Variants in UPF2 observed in about 807,000 individuals in gnomAD.
UPF2 encodes regulator of nonsense transcripts 2.
In UPF2, 17 loss-of-function variants were observed where a neutral mutation model predicts 141.4. The ratio of observed to expected loss-of-function variants is 0.12; its 90% CI spans 0.08 to 0.18. The LOEUF is 0.18. Among genes scored for constraint, UPF2 ranks in the 10% least tolerant of loss-of-function variants. UPF2 has a pLI of 1.00. For missense variants in UPF2, 1,152 were observed against 1,515.9 expected, an observed-to-expected ratio of 0.76 and a Z score of 3.99; for synonymous variants, 540 against 498.0, an observed-to-expected ratio of 1.08 and a Z score of -1.12.
At chr10:12,036,107 C>T (rs77288594) in intron 1 of UPF2, among the ~76,000 whole-genome samples, 465 of 152,222 alleles carry the variant, frequency 3.1e-3, no homozygotes, top group African/African-American at 0.01. Flanking sequence ...ACCTAAAATC[C>T]GTATGTTCTG....
chr10:11,951,115 T>C (rs1367346882), intron 15 of UPF2, among the ~76,000 whole-genome samples: 1 of 152,174 alleles, frequency 6.6e-6, no homozygotes, highest in East Asian at 1.9e-4. Context: ...CAGGCTGTAG[T>C]GCAATGGCGT....
At chr10:12,038,260 G>A (rs1000556043) in intron 1 of UPF2, among the ~76,000 whole-genome samples, 1 of 151,886 alleles carries the variant, frequency 6.6e-6, no homozygotes, top group Admixed American at 6.6e-5. Flanking sequence ...GCAGGCGCCT[G>A]TAATCCCAGC....
chr10:12,039,513 T>C (rs1466892346), intron 1 of UPF2, among the ~76,000 whole-genome samples: 1 of 152,216 alleles, frequency 6.6e-6, no homozygotes, highest in Non-Finnish European at 1.5e-5. Flanking sequence ...GAAAAAAGTT[T>C]ATATAGATTT....
chr10:11,942,952 TA>T, intron 17 of UPF2, 111 bp downstream of exon 17: 1 of 919,296 alleles, frequency 1.1e-6, no homozygotes, highest in Non-Finnish European at 1.6e-6. Flanking sequence ...AATGAATTTC[TA>T]AAGAAATATT....
rs1190001249 is a variant in UPF2, at chr10:11,959,425, C to T, written c.2185-69G>A. The T allele has an allele frequency of 4.1e-6, 6 of 1,454,572 alleles. No individual in the cohort carries two copies. Among genetic ancestry groups the T allele is most frequent in the South Asian group, 2.9e-5 (2 of 68,096 alleles). The allele number at this position is 1,454,572 out of a possible 1,614,324, so 90.1% of individuals were successfully genotyped here. On this transcript the variant is annotated intron_variant, in intron 11 of 21. Coordinates refer to ENST00000357604, the MANE Select transcript of UPF2 (RefSeq NM_015542.4). This position sits in a 1 kb window ranked among gnomAD's most constrained non-coding sequence, Gnocchi z 5.9. ...GATTCCTTTACTCCTAACTAAACTTCTATTCTCAGTGATTTGCTATTTCAA... is the reference window on the plus strand; with the variant it reads ...GATTCCTTTACTCCTAACTAAACTTTTATTCTCAGTGATTTGCTATTTCAA...
intron 21 of UPF2, among the ~76,000 whole-genome samples, chr10:11,926,855 G>C (rs1832719273): frequency 1.3e-5 from 2 of 152,202 alleles, no homozygotes. Context: ...AGGGAGGAAG[G>C]GAAAATAGAA....
chr10:11,943,524 C>T (rs544056219), intron 16 of UPF2, among the ~76,000 whole-genome samples: 1 of 152,288 alleles, frequency 6.6e-6, no homozygotes, highest in Admixed American at 6.5e-5. Context: ...ACCCATCTAA[C>T]TGCAATGGAA....
chr10:12,037,008 A>C (rs1354751357), intron 1 of UPF2, among the ~76,000 whole-genome samples: 1 of 152,142 alleles, frequency 6.6e-6, no homozygotes, highest in Non-Finnish European at 1.5e-5. Context: ...CTGGGCAACA[A>C]GGACAAAACT....
chr10:11,981,120 G>T (rs1316245548), intron 8 of UPF2, among the ~76,000 whole-genome samples: 1 of 152,010 alleles, frequency 6.6e-6, no homozygotes, highest in Non-Finnish European at 1.5e-5. Flanking sequence ...CCAAGTCCAT[G>T]CCACCGCACT....
intron 8 of UPF2, among the ~76,000 whole-genome samples, chr10:11,993,981 C>T (rs1345183623): frequency 6.6e-6 from 1 of 151,784 alleles, no homozygotes; most frequent in Non-Finnish European, 1.5e-5. Flanking sequence ...AGAGCAGGAC[C>T]CTGTCTCTAA....
At chr10:12,007,339 A>T (rs1363521418) in intron 4 of UPF2, among the ~76,000 whole-genome samples, 1 of 152,254 alleles carries the variant, frequency 6.6e-6, no homozygotes, top group Non-Finnish European at 1.5e-5. Context: ...AATGCATCTG[A>T]CAGTAAACTT....
intron 21 of UPF2, among the ~76,000 whole-genome samples, chr10:11,927,958 T>C (rs1832732963): frequency 6.6e-6 from 1 of 152,182 alleles, no homozygotes; most frequent in South Asian, 2.1e-4. Flanking sequence ...ACTCCCCATC[T>C]ACACCTGCTC....
intron 2 of UPF2, 83 bp downstream of exon 2, chr10:12,034,976 C>T: frequency 6.7e-7 from 1 of 1,500,174 alleles, no homozygotes; most frequent in Non-Finnish European, 8.8e-7. Flanking sequence ...ACCCAGGACG[C>T]TATATTTCAA....
chr10:12,033,492 C>T (rs1028240490), intron 2 of UPF2, among the ~76,000 whole-genome samples: 110 of 152,202 alleles, frequency 7.2e-4, no homozygotes, highest in African/African-American at 2.6e-3. Flanking sequence ...GGCATTGTAC[C>T]ACTACACTCC....
In UPF2 at chr10:12,019,372, T is replaced by C. The variant is rs1307654362; in HGVS notation, c.1146-5188A>G. Among the ~76,000 whole-genome samples the C allele has an allele frequency of 6.6e-6, 1 of 152,266 alleles. No homozygotes were observed. The highest frequency in any genetic ancestry group is 1.5e-5 in the Non-Finnish European group (1 of 68,054). ...TCATGCTTCCCAAAACATTCTACTT[T>C]TGACTATTTTTCAACCATTTAAAAA... is the stretch of plus-strand genomic sequence containing the variant. On this transcript the variant is annotated intron_variant, in intron 3 of 21. Coordinates refer to ENST00000357604, the MANE Select transcript of UPF2 (RefSeq NM_015542.4). The surrounding 1 kb of genome is among the most constrained non-coding windows in gnomAD (Gnocchi z 4.5).
chr10:11,922,618 A>T (rs1321445793), intron 21 of UPF2, among the ~76,000 whole-genome samples: 4 of 152,224 alleles, frequency 2.6e-5, no homozygotes, highest in Admixed American at 1.3e-4. Context: ...GTGTCATTTG[A>T]CTGGTTTATA....
At chr10:11,929,414 A>G (rs1157260463) in intron 21 of UPF2, among the ~76,000 whole-genome samples, 1 of 152,208 alleles carries the variant, frequency 6.6e-6, no homozygotes, top group Non-Finnish European at 1.5e-5. Context: ...ACGTGGGCAG[A>G]TGGCTTGAGC....
rs1472575191 is a variant in UPF2 at position 11,936,303 on chromosome 10, G to C, written c.3546+242C>G. ...AAGAATCGTTTGAACCTGGGAGGAGGAGGTTGCAGTGAGCCAAGACCCTGC... is the reference window on the plus strand; with the variant it reads ...AAGAATCGTTTGAACCTGGGAGGAGCAGGTTGCAGTGAGCCAAGACCCTGC... On this transcript the variant is annotated intron_variant, in intron 19 of 21. Coordinates refer to ENST00000357604, the MANE Select transcript of UPF2 (RefSeq NM_015542.4). The surrounding 1 kb of genome is among the most constrained non-coding windows in gnomAD (Gnocchi z 6.6). 6.6e-6 allele frequency among the ~76,000 whole-genome samples: 1 copy of C among 151,962 alleles called. No individual in the cohort carries two copies. Among genetic ancestry groups the C allele is most frequent in the African/African-American group, 2.4e-5 (1 of 41,368 alleles).
rs906307895 is a variant in UPF2 at position 11,939,877 on chromosome 10, T to C, written c.3378+2788A>G. On this transcript the variant is annotated intron_variant, in intron 18 of 21. Transcript: ENST00000357604. This position sits in a 1 kb window ranked among gnomAD's most constrained non-coding sequence, Gnocchi z 4.8. ...CCTGAAAATCTGTTAGCTATTTTGC[T>C]TATTCTTACAGATGTTTTAAGAAAT... 4.9e-4 allele frequency among the ~76,000 whole-genome samples: 74 copies of C among 152,218 alleles called. No homozygotes were observed. The highest frequency in any genetic ancestry group is 1.7e-3 in the African/African-American group (72 of 41,444).
Sources: allele counts gnomAD v4.1 joint callset (sites outside exome capture counted in the v4.1 genomes callset), GRCh38; gene constraint gnomAD v4.1.1; non-coding constraint Gnocchi (gnomAD v3.1); transcripts MANE v1.5; gene names NCBI Gene and HGNC (gene_info 2026-07-23, HGNC 2026-07-21).